TMEM123: variants seen among roughly 807,000 people sequenced by gnomAD.
TMEM123 encodes the protein transmembrane protein 123.
Under a neutral mutation model 19.7 loss-of-function variants are expected in TMEM123, and 16 were observed. That is an observed-to-expected ratio of 0.81 (90% confidence interval 0.55 to 1.23). The LOEUF (loss-of-function observed/expected upper bound fraction) is 1.23. Ranked by LOEUF, TMEM123 falls within the 50% of genes most tolerant of loss-of-function variation. The pLI, the probability that TMEM123 is intolerant of heterozygous loss-of-function variation, is 0.00. For missense variants in TMEM123, 313 were observed against 257.8 expected (o/e 1.21, Z -1.47); for synonymous variants, 118 against 99.4 (o/e 1.19, Z -1.12).
At position 102,414,932 on chromosome 11, in the gene TMEM123, G is replaced by A. The variant is rs186349617; in HGVS notation, c.158-12726C>T. Among the ~76,000 whole-genome samples the A allele has an allele frequency of 2.6e-4, 39 of 152,240 alleles. 1 individual carries two copies. Among genetic ancestry groups the A allele is most frequent in the South Asian group, 8.3e-4 (4 of 4,826 alleles). On this transcript the variant is annotated intron_variant, in intron 2 of 4. Coordinates refer to ENST00000398136, the MANE Select transcript of TMEM123 (RefSeq NM_052932.3). ...TTGGATAAAGAAGCAAAACCTAATC[G>A]TAAGCTAGCTTCAAGAGACCAGTCT...
rs987722954 is a variant in TMEM123, at chr11:102,398,438, C to G, written c.*429G>C. 1.7e-4 allele frequency: 67 copies of G among 400,278 alleles called. No individual in the cohort carries two copies. Among genetic ancestry groups the G allele is most frequent in the Middle Eastern group, 6.2e-4 (1 of 1,626 alleles). 24.8% of individuals were successfully genotyped at this position (400,278 alleles called of 1,614,324 possible). The stretch of plus-strand genomic sequence containing the variant: ...ATTAGTAATTAAGATATATCCAGCT[C>G]TGAAAAGCACTGAAGTTCTTTATGT... On this transcript the variant is annotated 3_prime_UTR_variant, in exon 5 of 5. Coordinates refer to ENST00000398136, the MANE Select transcript of TMEM123 (RefSeq NM_052932.3).
rs1227035475 is a variant in TMEM123 at position 102,452,614 on chromosome 11, C to G, written c.10G>C (p.Gly4Arg). The G allele has an allele frequency of 1.5e-5, 23 of 1,555,096 alleles. 1 individual carries two copies. The highest frequency in any genetic ancestry group is 1.7e-4 in the Middle Eastern group (1 of 5,882). Reference sequence around the variant, plus strand: ...AGCGCGGCCCAAGCACCTCGCGCGCCGAGTCCCATTGTTCCGAGGGCAGGA... The same window carrying G: ...AGCGCGGCCCAAGCACCTCGCGCGCGGAGTCCCATTGTTCCGAGGGCAGGA... MGL[G>R]ARGAWAALLL... The change falls in exon 1 of 5, where the codon GGC becomes CGC. Residue 4 changes from glycine (G) to arginine (R), a missense_variant. Transcript: ENST00000398136.
At chr11:102,426,678 T>C (rs527294281) in intron 2 of TMEM123, among the ~76,000 whole-genome samples, 2 of 152,302 alleles carry the variant, frequency 1.3e-5, no homozygotes, top group African/African-American at 2.4e-5. Flanking sequence ...ATGTAAGTTT[T>C]AGCTACTGCA....
chr11:102,411,432 G>A (rs1437873455), intron 2 of TMEM123, among the ~76,000 whole-genome samples: 1 of 152,146 alleles, frequency 6.6e-6, no homozygotes, highest in Non-Finnish European at 1.5e-5. Context: ...TAAATAAAGT[G>A]TTTCCTTGAG....
chr11:102,414,510 C>T (rs1222999238), intron 2 of TMEM123, among the ~76,000 whole-genome samples: 5 of 152,206 alleles, frequency 3.3e-5, no homozygotes, highest in Non-Finnish European at 2.9e-5. Context: ...TCTGCAGAAA[C>T]CCTCTAAGCC....
rs1445507671 is a variant in TMEM123, at chr11:102,396,996, C to CT, written c.*1870dup. On this transcript the variant is annotated 3_prime_UTR_variant, in exon 5 of 5. Transcript: ENST00000398136. ...AGGCCTTCATTAGAATAAAGTATAT[C>CT]TTAACTACATTTTGCAAAGAAATGA... The CT allele has an allele frequency of 6.6e-6, 1 of 151,346 alleles. No individual in the cohort carries two copies. Among genetic ancestry groups the CT allele is most frequent in the Non-Finnish European group, 1.5e-5 (1 of 68,006 alleles). 9.4% of individuals were successfully genotyped at this position (151,346 alleles called of 1,614,324 possible).
In TMEM123 at chr11:102,396,615, CTG is replaced by C. The variant is rs1157370704; in HGVS notation, c.*2250_*2251del. On this transcript the variant is annotated 3_prime_UTR_variant, in exon 5 of 5. Transcript: ENST00000398136. ...ACATTCTCAAGGAATGCAAGCAAAACTGAGCATTTTTTTTATGCTTAAGAAAT... is the reference window on the plus strand; with the variant it reads ...ACATTCTCAAGGAATGCAAGCAAAACAGCATTTTTTTTATGCTTAAGAAAT... 6.6e-6 allele frequency: 1 copy of C among 152,226 alleles called. No homozygotes were observed. Among genetic ancestry groups the C allele is most frequent in the East Asian group, 1.9e-4 (1 of 5,184 alleles). The allele number at this position is 152,226 out of a possible 1,614,324, so 9.4% of individuals were successfully genotyped here. A position where few individuals can be genotyped will look rare whatever the true frequency, so the allele number is the denominator to read the frequency against.
intron 2 of TMEM123, among the ~76,000 whole-genome samples, chr11:102,414,890 A>G (rs1420259193): frequency 2.0e-5 from 3 of 152,220 alleles, no homozygotes; most frequent in Non-Finnish European, 2.9e-5. Context: ...TCCACTTAAA[A>G]GGTACAGAAT....
chr11:102,410,511 C>G (rs78112385), intron 2 of TMEM123, among the ~76,000 whole-genome samples: 3 of 105,404 alleles, frequency 2.8e-5, no homozygotes, highest in African/African-American at 1.0e-4. Context: ...CTGTTAGTTA[C>G]AAAAAAAAAA....
intron 2 of TMEM123, among the ~76,000 whole-genome samples, chr11:102,440,842 G>T (rs1212336335): frequency 6.6e-6 from 1 of 152,150 alleles, no homozygotes; most frequent in African/African-American, 2.4e-5. Flanking sequence ...ATAAAGGGAT[G>T]GAGAAGATCT....
intron 4 of TMEM123, among the ~76,000 whole-genome samples, chr11:102,399,320 T>C (rs7104841): frequency 0.076 from 11,519 of 152,240 alleles, 523 homozygotes; most frequent in African/African-American, 0.12. Flanking sequence ...CATTGCATGC[T>C]TGTAGTCCCA....
Position 102,411,323 on chromosome 11 carries a change from A to G in TMEM123, c.158-9117T>C, listed in dbSNP as rs74387049. ...GGCGGTGTTCCCAGAGAGCGTATCG[A>G]AGCTCTGCGCACCATTCCTCCACAC... On this transcript the variant is annotated intron_variant, in intron 2 of 4. Transcript: ENST00000398136. Among the ~76,000 whole-genome samples, 53 of 152,282 alleles carry G rather than the reference A, an allele frequency of 3.5e-4. 1 individual carries two copies. The East Asian group carries it at 9.8e-3, about 28-fold the overall frequency.
rs370740204 is a variant in TMEM123, at chr11:102,402,113, G to A, written c.251C>T (p.Thr84Ile). 3.3e-5 allele frequency: 54 copies of A among 1,614,140 alleles called. No homozygotes were observed. The highest frequency in any genetic ancestry group is 4.4e-5 in the Non-Finnish European group (52 of 1,180,004). The change falls in exon 3 of 5, where the codon ACA becomes ATA. Residue 84 changes from threonine (T) to isoleucine (I), a missense_variant. Physicochemically the swap from Thr to Ile is moderately conservative, Grantham distance 89 (BLOSUM62 -1). Coordinates refer to ENST00000398136, the MANE Select transcript of TMEM123 (RefSeq NM_052932.3). ...PTSVASDSSN[T>I]TVTTMKPTAA... ...TGTAGGTTTCATGGTGGTGACCGTTGTATTACTGGAGTCTGAGGCAACTGA... is the reference window on the plus strand; with the variant it reads ...TGTAGGTTTCATGGTGGTGACCGTTATATTACTGGAGTCTGAGGCAACTGA...
At chr11:102,400,396 TTATAG>T (rs1045379326) in intron 4 of TMEM123, among the ~76,000 whole-genome samples, 69 of 152,362 alleles carry the variant, frequency 4.5e-4, no homozygotes, top group Middle Eastern at 3.4e-3. Flanking sequence ...TAGAGAAGTC[TTATAG>T]TAAACTGTCT....
At position 102,402,009 on chromosome 11, in the gene TMEM123, T is replaced by C; in HGVS notation, c.355A>G (p.Thr119Ala). 1 of 1,614,134 alleles carries C rather than the reference T, an allele frequency of 6.2e-7. No homozygotes were observed. The change falls in exon 3 of 5, where the codon ACA becomes GCA. Residue 119 changes from threonine (T) to alanine (A), a missense_variant. Coordinates refer to ENST00000398136, the MANE Select transcript of TMEM123 (RefSeq NM_052932.3). ...STTLKSTPKT[T>A]SVSQNTSQIS... ...TGAGATGTGTTCTGTGAAACACTTG[T>C]TGTTTTGGGTGTAGACTTTAAGGTG...
intron 2 of TMEM123, among the ~76,000 whole-genome samples, chr11:102,409,409 T>C (rs575775532): frequency 5.3e-5 from 8 of 152,290 alleles, no homozygotes; most frequent in African/African-American, 1.7e-4. Flanking sequence ...CAACTAAATA[T>C]CAGTGTAATT....
chr11:102,416,442 C>G (rs1457456100), intron 2 of TMEM123, among the ~76,000 whole-genome samples: 2 of 152,030 alleles, frequency 1.3e-5, no homozygotes, highest in Non-Finnish European at 2.9e-5. Flanking sequence ...AAACACACAA[C>G]CTCCCAAGAC....
chr11:102,409,388 C>G lies in TMEM123; in HGVS notation c.158-7182G>C, dbSNP rs1951982928. Among the ~76,000 whole-genome samples, 4 of 152,088 alleles carry G rather than the reference C, an allele frequency of 2.6e-5. No individual in the cohort carries two copies. In the South Asian group the frequency reaches 8.3e-4, roughly 32 times the overall value. On this transcript the variant is annotated intron_variant, in intron 2 of 4. Transcript: ENST00000398136. Reference sequence around the variant, plus strand: ...AATCTCTTTCCTATAGAATTTACAACCTTACCCCATCAACTAAATATCAGT... The same window carrying G: ...AATCTCTTTCCTATAGAATTTACAAGCTTACCCCATCAACTAAATATCAGT...
intron 2 of TMEM123, among the ~76,000 whole-genome samples, chr11:102,427,447 C>CTTT (rs754431473): frequency 1.6e-5 from 2 of 122,614 alleles, no homozygotes; most frequent in South Asian, 5.4e-4. Context: ...GGTATAAATT[C>CTTT]TTTTTTTTTT....
Sources: allele counts gnomAD v4.1 joint callset (sites outside exome capture counted in the v4.1 genomes callset), GRCh38; gene constraint gnomAD v4.1.1; transcripts MANE v1.5; gene names NCBI Gene and HGNC (gene_info 2026-07-23, HGNC 2026-07-21).